ENKD1: variants seen among roughly 807,000 people sequenced by gnomAD.
ENKD1 encodes enkurin domain containing 1.
In ENKD1, 39 loss-of-function variants were observed where a neutral mutation model predicts 35.8. The observed-to-expected ratio is 1.09, with a 90% CI of 0.84 to 1.42. ENKD1 has a LOEUF of 1.42. Among genes scored for constraint, ENKD1 ranks in the 40% most tolerant of loss-of-function variants. ENKD1 has a pLI of 0.00. For missense variants in ENKD1, 474 were observed against 471.3 expected (o/e 1.01, Z -0.05); for synonymous variants, 205 against 198.6 (o/e 1.03, Z -0.27).
intron 2 of ENKD1, 48 bp from the exon 3 acceptor site, chr16:67,665,216 G>C: frequency 6.4e-7 from 1 of 1,559,336 alleles, no homozygotes; most frequent in Non-Finnish European, 8.7e-7. Flanking sequence ...GGCCCACACA[G>C]TCCAACTTCC....
At chr16:67,666,291 C>T (rs751622511) in intron 1 of ENKD1, 26 bp from the exon 2 acceptor site, 3 of 1,600,206 alleles carry the variant, frequency 1.9e-6, no homozygotes, top group Non-Finnish European at 2.6e-6. Context: ...GGGCGGAGTC[C>T]GGGGCTCAGA....
At position 67,666,369 on chromosome 16, in the gene ENKD1, C is replaced by A; in HGVS notation, c.74G>T (p.Arg25Leu). ...GCCCCCGGACTCACCCGAGGTCGGCCGCCTGTAGTTGTCAGGACAGAGCGT... is the reference window on the plus strand; with the variant it reads ...GCCCCCGGACTCACCCGAGGTCGGCAGCCTGTAGTTGTCAGGACAGAGCGT... ...DPTLCPDNYRRPTSAQGRLEG... is the reference protein window; with the variant it reads ...DPTLCPDNYRLPTSAQGRLEG... The change falls in exon 1 of 7, where the codon CGG becomes CTG. Residue 25 changes from arginine to leucine, a missense_variant. Arg to Leu is a moderately radical substitution (Grantham distance 102). Coordinates refer to ENST00000243878, the MANE Select transcript of ENKD1 (RefSeq NM_032140.3). 6.3e-7 allele frequency: 1 copy of A among 1,577,848 alleles called. No individual in the cohort carries two copies. The highest frequency in any genetic ancestry group is 8.6e-7 in the Non-Finnish European group (1 of 1,168,476).
At position 67,666,628 on chromosome 16, in the gene ENKD1, T is replaced by A; in HGVS notation, c.-186A>T. The A allele has an allele frequency of 1.8e-6, 1 of 547,244 alleles. No individual in the cohort carries two copies. Among genetic ancestry groups the A allele is most frequent in the East Asian group, 3.5e-5 (1 of 28,514 alleles). The allele number at this position is 547,244 out of a possible 1,614,324, so 33.9% of individuals were successfully genotyped here. ...GGCCTCGCTCGCCACCTCCGCGACCTCTGCTCCCAGCCCACTTCTCGGTCC... is the reference window on the plus strand; with the variant it reads ...GGCCTCGCTCGCCACCTCCGCGACCACTGCTCCCAGCCCACTTCTCGGTCC... On this transcript the variant is annotated 5_prime_UTR_variant, in exon 1 of 7. Coordinates refer to ENST00000243878, the MANE Select transcript of ENKD1 (RefSeq NM_032140.3).
intron 3 of ENKD1, chr16:67,664,568 T>A (rs2053074984): frequency 3.2e-6 from 1 of 312,722 alleles, no homozygotes; most frequent in Admixed American, 4.9e-5. Flanking sequence ...TCCTACTGAG[T>A]CCCTGAGACA....
At chr16:67,666,038 C>T (rs778904528) in intron 2 of ENKD1, 33 bp downstream of exon 2, 4 of 1,600,712 alleles carry the variant, frequency 2.5e-6, no homozygotes, top group South Asian at 1.1e-5. Context: ...CCCGCACTGC[C>T]TCTCTGTCCC....
At position 67,663,066 on chromosome 16, in the gene ENKD1, C is replaced by A; in HGVS notation, c.*95G>T. The stretch of plus-strand genomic sequence containing the variant: ...CTGGCCACCCCCCTGCTCCTGTCTT[C>A]AGACCTCTGCTCTGGGATTGGGTCC... On this transcript the variant is annotated 3_prime_UTR_variant, in exon 7 of 7. Transcript: ENST00000243878. 6.7e-7 allele frequency: 1 copy of A among 1,487,586 alleles called. No individual in the cohort carries two copies. Among genetic ancestry groups the A allele is most frequent in the South Asian group, 1.3e-5 (1 of 77,674 alleles). The allele number at this position is 1,487,586 out of a possible 1,614,324, so 92.1% of individuals were successfully genotyped here.
rs1597780336 is a variant in ENKD1, at chr16:67,663,047, A to G, written c.*114T>C. 1 of 1,324,200 alleles carries G rather than the reference A, an allele frequency of 7.6e-7. No individual in the cohort carries two copies. 82.0% of individuals were successfully genotyped at this position (1,324,200 alleles called of 1,614,324 possible). On this transcript the variant is annotated 3_prime_UTR_variant, in exon 7 of 7. Coordinates refer to ENST00000243878, the MANE Select transcript of ENKD1 (RefSeq NM_032140.3). ...GAAGAGTGCTCTAGGGACACTGGCC[A>G]CCCCCCTGCTCCTGTCTTCAGACCT...
intron 3 of ENKD1, chr16:67,664,477 A>C: frequency 2.9e-6 from 1 of 345,366 alleles, no homozygotes; most frequent in Non-Finnish European, 5.6e-6. Context: ...TCCTGGACAC[A>C]CTCCCACCCC....
rs2053097398 is a variant in ENKD1, at chr16:67,666,072, C to T, written c.279G>A (p.Lys93=). 6.2e-7 allele frequency: 1 copy of T among 1,612,520 alleles called. No individual in the cohort carries two copies. The highest frequency in any genetic ancestry group is 8.5e-7 in the Non-Finnish European group (1 of 1,179,828). ...GISLGPGASL[K]RKDPKDHEKE... is the part of the protein sequence containing the mutation. ...CCTTCTTCCATTCCTGGGACTTACT[C>T]TTGAGAGAGGCCCCAGGACCTAGGG... The change falls in exon 2 of 7, where the codon AAG becomes AAA. Residue 93 remains lysine (K), a splice_region_variant and synonymous_variant. Transcript: ENST00000243878.
In ENKD1 at chr16:67,665,128, C is replaced by T; in HGVS notation, c.321G>A (p.Arg107=). ...PKDHEKENLR[R]IREIQKRFRE... ...TGAAGCGCTTCTGAATCTCCCTGAT[C>T]CGCCTCAGGTTCTCCTTCTCATGGT... Residue 107 remains arginine, a synonymous_variant, in exon 3 of 7, where the codon CGG becomes CGA. Transcript: ENST00000243878. 1 of 1,613,908 alleles carries T rather than the reference C, an allele frequency of 6.2e-7. No homozygotes were observed. The highest frequency in any genetic ancestry group is 1.3e-5 in the African/African-American group (1 of 75,026).
chr16:67,666,558 C>T lies in ENKD1; in HGVS notation c.-116G>A, dbSNP rs368979444. On this transcript the variant is annotated 5_prime_UTR_variant, in exon 1 of 7. Coordinates refer to ENST00000243878, the MANE Select transcript of ENKD1 (RefSeq NM_032140.3). ...CCCTCGCCCGGCACCCTGACCCTGG[C>T]GTGCCCGCCACTCCCGGGCCCCTGC... 1 of 1,018,912 alleles carries T rather than the reference C, an allele frequency of 9.8e-7. No homozygotes were observed. The highest frequency in any genetic ancestry group is 3.3e-5 in the East Asian group (1 of 30,742). The allele number at this position is 1,018,912 out of a possible 1,614,324, so 63.1% of individuals were successfully genotyped here.
chr16:67,665,433 T>C (rs2053088522), intron 2 of ENKD1, among the ~76,000 whole-genome samples: 1 of 152,106 alleles, frequency 6.6e-6, no homozygotes, highest in South Asian at 2.1e-4. Flanking sequence ...TGGAGTACAG[T>C]GGCATGATCA....
Position 67,666,713 on chromosome 16 carries a change from C to CA in ENKD1, c.-272dup, listed in dbSNP as rs1160795819. Reference sequence around the variant, plus strand: ...GGGCTCACTCGAGAGGTTTTGCCGCCAGCCGCTGCCACCCGACGGGACTTG... The same window carrying CA: ...GGGCTCACTCGAGAGGTTTTGCCGCCAAGCCGCTGCCACCCGACGGGACTTG... On this transcript the variant is annotated 5_prime_UTR_variant, in exon 1 of 7. Coordinates refer to ENST00000243878, the MANE Select transcript of ENKD1 (RefSeq NM_032140.3). 2 of 482,416 alleles carry CA rather than the reference C, an allele frequency of 4.1e-6. No homozygotes were observed. The highest frequency in any genetic ancestry group is 4.0e-5 in the Admixed American group (1 of 25,030). The allele number at this position is 482,416 out of a possible 1,614,324, so 29.9% of individuals were successfully genotyped here.
chr16:67,663,492 G>C lies in ENKD1; in HGVS notation c.808C>G (p.Pro270Ala). Residue 270 changes from proline to alanine, a missense_variant, in exon 6 of 7, where the codon CCT (proline) becomes GCT (alanine). Transcript: ENST00000243878. Reference protein sequence around the residue: ...AEARKQSQPDPAMPPGHTRMP... With the variant: ...AEARKQSQPDAAMPPGHTRMP... ...CGCGTGTGGCCTGGGGGCATGGCAG[G>C]GTCCGGCTGGCTCTGCTTGCGGGCC... The C allele has an allele frequency of 6.2e-7, 1 of 1,612,760 alleles. No individual in the cohort carries two copies. The highest frequency in any genetic ancestry group is 1.3e-5 in the African/African-American group (1 of 75,070).
Position 67,663,731 on chromosome 16 carries a change from C to T in ENKD1, c.669G>A (p.Leu223=), listed in dbSNP as rs1455059666. Residue 223 remains leucine, a synonymous_variant, in exon 5 of 7, where the codon CTG becomes CTA. Transcript: ENST00000243878. ...PRRHSCSLQV[L]AQVLEQQRQA... is the part of the protein sequence containing the mutation. ...GCCGCTGCTGCTCTAGCACTTGTGC[C>T]AGGACCTGCAGTGAGCAGGAATGCC... The T allele has an allele frequency of 1.9e-6, 3 of 1,612,740 alleles. No individual in the cohort carries two copies. The highest frequency in any genetic ancestry group is 1.7e-5 in the Admixed American group (1 of 59,842).
intron 5 of ENKD1, 24 bp downstream of exon 5, chr16:67,663,633 T>C (rs752933352): frequency 6.2e-7 from 1 of 1,605,396 alleles, no homozygotes; most frequent in South Asian, 1.1e-5. Flanking sequence ...TCCTTCACCC[T>C]GAGTGTCGGG....
chr16:67,663,048 C>T lies in ENKD1; in HGVS notation c.*113G>A, dbSNP rs561823135. 14 of 1,327,840 alleles carry T rather than the reference C, an allele frequency of 1.1e-5. No homozygotes were observed. Among genetic ancestry groups the T allele is most frequent in the East Asian group, 2.5e-5 (1 of 40,044 alleles). The allele number at this position is 1,327,840 out of a possible 1,614,324, so 82.3% of individuals were successfully genotyped here. On this transcript the variant is annotated 3_prime_UTR_variant, in exon 7 of 7. Coordinates refer to ENST00000243878, the MANE Select transcript of ENKD1 (RefSeq NM_032140.3). The stretch of plus-strand genomic sequence containing the variant: ...AAGAGTGCTCTAGGGACACTGGCCA[C>T]CCCCCTGCTCCTGTCTTCAGACCTC...
chr16:67,663,920 C>T lies in ENKD1; in HGVS notation c.579+17G>A, dbSNP rs1277657183. 3 of 1,607,096 alleles carry T rather than the reference C, an allele frequency of 1.9e-6. No homozygotes were observed. Among genetic ancestry groups the T allele is most frequent in the East Asian group, 4.5e-5 (2 of 44,634 alleles). ...AGCCCTGCCCAACCACCATCTAGCCCCCATACATCCTCTCACCTTAGCTTC... is the reference window on the plus strand; with the variant it reads ...AGCCCTGCCCAACCACCATCTAGCCTCCATACATCCTCTCACCTTAGCTTC... On this transcript the variant is annotated intron_variant, in intron 4 of 6. Transcript: ENST00000243878.
intron 3 of ENKD1, chr16:67,664,377 G>A (rs2053073122): frequency 1.6e-5 from 7 of 441,690 alleles, no homozygotes; most frequent in East Asian, 5.1e-5. Flanking sequence ...AAATCCAGGC[G>A]GTCAATTCCT....
Sources: gnomAD v4.1 joint callset for allele counts (sites outside exome capture counted in the v4.1 genomes callset) on GRCh38, gnomAD v4.1.1 for gene constraint, MANE v1.5 for transcripts, NCBI Gene and HGNC (gene_info 2026-07-23, HGNC 2026-07-21) for gene names.